DOCK1: variants seen among roughly 807,000 people sequenced by gnomAD.
DOCK1 encodes dedicator of cytokinesis 1, also known as dedicator of cytokinesis protein 1.
Under a neutral mutation model 262.7 loss-of-function variants are expected in DOCK1, and 138 were observed. The observed-to-expected ratio is 0.53, with a 90% confidence interval of 0.46 to 0.61. DOCK1 has a LOEUF of 0.61. Ranked by LOEUF, DOCK1 falls within the 20% of genes least tolerant of loss-of-function variation. The pLI is 0.00. For missense variants in DOCK1, 1,908 were observed against 2,370.7 expected, an observed-to-expected ratio of 0.80 and a Z score of 4.05; for synonymous variants, 866 against 867.4, an observed-to-expected ratio of 1.00 and a Z score of 0.03.
At chr10:127,394,077 T>A (rs1389677392) in intron 38 of DOCK1, among the ~76,000 whole-genome samples, 1 of 152,124 alleles carries the variant, frequency 6.6e-6, no homozygotes, top group Non-Finnish European at 1.5e-5. Context: ...TCCAAGTACT[T>A]GACTGAAAAT....
intron 19 of DOCK1, among the ~76,000 whole-genome samples, chr10:127,038,689 C>G (rs2135592684): frequency 6.6e-6 from 1 of 152,300 alleles, no homozygotes; most frequent in South Asian, 2.1e-4. Flanking sequence ...CATTCAGACC[C>G]TTGTGGCCTC....
intron 27 of DOCK1, among the ~76,000 whole-genome samples, chr10:127,186,088 C>A (rs1589834883): frequency 6.6e-6 from 1 of 152,178 alleles, no homozygotes; most frequent in East Asian, 1.9e-4. Context: ...GTTGTCTAAT[C>A]TGCTCTAGAG....
intron 22 of DOCK1, 131 bp from the exon 23 acceptor site, chr10:127,061,537 A>G (rs1354993434): frequency 1.3e-6 from 1 of 763,100 alleles, no homozygotes; most frequent in Admixed American, 2.4e-5. Context: ...TCCTTGCTTC[A>G]TAGATGTTGA....
intron 1 of DOCK1, among the ~76,000 whole-genome samples, chr10:126,956,169 G>C (rs2036723617): frequency 6.6e-6 from 1 of 152,220 alleles, no homozygotes; most frequent in Non-Finnish European, 1.5e-5. Context: ...GGGAACAAGA[G>C]GGCTATGTCT....
chr10:127,433,135 C>A, intron 47 of DOCK1, 148 bp from the exon 48 acceptor site: 1 of 1,104,392 alleles, frequency 9.1e-7, no homozygotes, highest in Non-Finnish European at 1.3e-6. Flanking sequence ...TTTTGTCTTC[C>A]ACTCAGAACA....
chr10:127,397,606 A>G (rs1290962456), intron 38 of DOCK1, among the ~76,000 whole-genome samples: 1 of 148,698 alleles, frequency 6.7e-6, no homozygotes, highest in Non-Finnish European at 1.5e-5. Context: ...TTACACGGGC[A>G]GCGTCTCCTA....
At chr10:127,367,486 T>G (rs1565031734) in intron 33 of DOCK1, among the ~76,000 whole-genome samples, 1 of 152,074 alleles carries the variant, frequency 6.6e-6, no homozygotes, top group Non-Finnish European at 1.5e-5. Flanking sequence ...GTGCCTTAGG[T>G]CAGCTTGACA....
At chr10:127,439,368 C>G in intron 49 of DOCK1, 143 bp downstream of exon 49, 1 of 818,282 alleles carries the variant, frequency 1.2e-6, no homozygotes. Flanking sequence ...TCCTCCTCCC[C>G]TAACCTCAAA....
intron 23 of DOCK1, among the ~76,000 whole-genome samples, chr10:127,071,173 C>T (rs2046211936): frequency 6.6e-6 from 1 of 152,178 alleles, no homozygotes; most frequent in Non-Finnish European, 1.5e-5. Context: ...TTTCACTATA[C>T]TGCTTGCTGG....
chr10:127,187,072 G>C (rs1320856938), intron 27 of DOCK1, among the ~76,000 whole-genome samples: 1 of 152,190 alleles, frequency 6.6e-6, no homozygotes, highest in Admixed American at 6.5e-5. Context: ...TTCACCCCGG[G>C]GCAAAACAAG....
intron 27 of DOCK1, among the ~76,000 whole-genome samples, chr10:127,132,511 G>T (rs1178487783): frequency 6.6e-6 from 1 of 152,154 alleles, no homozygotes; most frequent in Non-Finnish European, 1.5e-5. Context: ...CAGACTTCAG[G>T]ATTTATTTCA....
At chr10:127,188,886 GAGTCACATGCCAAAGGTCACAC>G (rs2056512708) in intron 27 of DOCK1, among the ~76,000 whole-genome samples, 1 of 152,208 alleles carries the variant, frequency 6.6e-6, no homozygotes, top group South Asian at 2.1e-4. Context: ...ACAGGTAGTG[GAGTCACATGCCAAAGGTCACAC>G]AGATACTGGC....
chr10:126,988,901 C>T (rs925154546), intron 5 of DOCK1, among the ~76,000 whole-genome samples: 1 of 151,946 alleles, frequency 6.6e-6, no homozygotes, highest in Non-Finnish European at 1.5e-5. Flanking sequence ...GGTGAAACCC[C>T]GTCCCTACTA....
intron 1 of DOCK1, among the ~76,000 whole-genome samples, chr10:126,944,328 C>T (rs2035234574): frequency 6.6e-6 from 1 of 151,704 alleles, no homozygotes; most frequent in Admixed American, 6.6e-5. Context: ...AGGGCTGTGC[C>T]CGTGGTAGAC....
At chr10:127,431,305 G>T (rs554208112) in intron 47 of DOCK1, among the ~76,000 whole-genome samples, 1 of 152,344 alleles carries the variant, frequency 6.6e-6, no homozygotes, top group South Asian at 2.1e-4. Flanking sequence ...GCTCAATCAA[G>T]AAGGAATTAT....
At chr10:127,390,525 C>T (rs1422837944) in intron 38 of DOCK1, among the ~76,000 whole-genome samples, 1 of 151,942 alleles carries the variant, frequency 6.6e-6, no homozygotes, top group African/African-American at 2.4e-5. Flanking sequence ...TGACTGGTGT[C>T]CTTATAAGAA....
At chr10:127,017,224 C>G (rs2042039677) in intron 12 of DOCK1, among the ~76,000 whole-genome samples, 1 of 151,110 alleles carries the variant, frequency 6.6e-6, no homozygotes, top group Non-Finnish European at 1.5e-5. Flanking sequence ...CACCATTAAA[C>G]ACAGACACAC....
At chr10:127,448,498 C>T (rs1027270561) in intron 51 of DOCK1, among the ~76,000 whole-genome samples, 12 of 152,320 alleles carry the variant, frequency 7.9e-5, no homozygotes, top group African/African-American at 2.6e-4. Context: ...ATCCTCATGT[C>T]GGGCCCAGGC....
intron 29 of DOCK1, among the ~76,000 whole-genome samples, chr10:127,278,525 G>A (rs536337806): frequency 1.3e-5 from 2 of 152,194 alleles, no homozygotes; most frequent in East Asian, 3.9e-4. Flanking sequence ...CAAGGGTGAG[G>A]GAGTTGCAGC....
Sources: gnomAD v4.1 joint callset for allele counts (sites outside exome capture counted in the v4.1 genomes callset) on GRCh38, gnomAD v4.1.1 for gene constraint, MANE v1.5 for transcripts, NCBI Gene and HGNC (gene_info 2026-07-23, HGNC 2026-07-21) for gene names.